The following TTC29 variants were observed in gnomAD, a reference collection of about 807,000 sequenced individuals.
The protein encoded by TTC29 is tetratricopeptide repeat protein 29.
In TTC29, 49 loss-of-function variants were observed where a neutral mutation model predicts 58.1. That is an observed-to-expected ratio of 0.84 (90% CI 0.67 to 1.07). The LOEUF (loss-of-function observed/expected upper bound fraction) is 1.07. Ranked by LOEUF, TTC29 falls within the 50% of genes least tolerant of loss-of-function variation. The probability of loss-of-function intolerance (pLI) is 0.00; values close to 1 mark genes in which losing one functional copy is unlikely to be tolerated. For synonymous variants in TTC29, 209 were observed against 196.8 expected, an observed-to-expected ratio of 1.06 and a Z score of -0.52; for missense variants, 582 against 555.6, an observed-to-expected ratio of 1.05 and a Z score of -0.48.
At chr4:146,894,868 C>G (rs1732659281) in intron 6 of TTC29, among the ~76,000 whole-genome samples, 1 of 151,964 alleles carries the variant, frequency 6.6e-6, no homozygotes. Context: ...TTCAGTGGTA[C>G]CATGTGCAGG....
intron 9 of TTC29, among the ~76,000 whole-genome samples, chr4:146,827,186 C>T (rs1248818378): frequency 6.6e-6 from 1 of 152,132 alleles, no homozygotes; most frequent in African/African-American, 2.4e-5. Flanking sequence ...CCATGTGGCT[C>T]TCAGGTGGGC....
chr4:146,809,573 AC>A (rs1268548421), intron 10 of TTC29, among the ~76,000 whole-genome samples: 1 of 150,010 alleles, frequency 6.7e-6, no homozygotes, highest in Non-Finnish European at 1.5e-5. Context: ...AAGAAAAAAA[AC>A]AAACAACTCC....
intron 11 of TTC29, among the ~76,000 whole-genome samples, chr4:146,793,808 A>G (rs1353108270): frequency 2.0e-5 from 3 of 152,102 alleles, no homozygotes; most frequent in South Asian, 4.1e-4. Flanking sequence ...AAAAATTCCT[A>G]TGTTAGATAT....
At chr4:146,858,090 T>C (rs1283401514) in intron 8 of TTC29, among the ~76,000 whole-genome samples, 2 of 152,232 alleles carry the variant, frequency 1.3e-5, no homozygotes, top group Non-Finnish European at 2.9e-5. Flanking sequence ...CAATCTGTAG[T>C]GATAATGGTA....
intron 11 of TTC29, among the ~76,000 whole-genome samples, chr4:146,745,984 C>A (rs1480621817): frequency 6.6e-6 from 1 of 152,162 alleles, no homozygotes; most frequent in African/African-American, 2.4e-5. Context: ...AACCTATTTG[C>A]AAAGAGATAC....
intron 4 of TTC29, among the ~76,000 whole-genome samples, chr4:146,914,575 G>A (rs1379603214): frequency 6.6e-6 from 1 of 152,052 alleles, no homozygotes; most frequent in South Asian, 2.1e-4. Context: ...GGAAAAAAAC[G>A]TGCCATTCAC....
intron 11 of TTC29, among the ~76,000 whole-genome samples, chr4:146,781,914 A>T (rs1748636410): frequency 6.6e-6 from 1 of 151,964 alleles, no homozygotes; most frequent in South Asian, 2.1e-4. Context: ...CTGATAGCCA[A>T]GAGAAAACCT....
chr4:146,711,427 A>G (rs1742484059), intron 11 of TTC29, among the ~76,000 whole-genome samples: 2 of 152,136 alleles, frequency 1.3e-5, no homozygotes, highest in South Asian at 4.1e-4. Context: ...CGTATATCAT[A>G]TTTAGCTGGA....
At chr4:146,941,922 A>C (rs1736441540) in intron 2 of TTC29, among the ~76,000 whole-genome samples, 1 of 152,186 alleles carries the variant, frequency 6.6e-6, no homozygotes, top group Non-Finnish European at 1.5e-5. Context: ...GATGTAGTCA[A>C]ACCTGAAATA....
At chr4:146,923,467 A>G (rs1734728736) in intron 4 of TTC29, among the ~76,000 whole-genome samples, 1 of 151,790 alleles carries the variant, frequency 6.6e-6, no homozygotes, top group South Asian at 2.1e-4. Flanking sequence ...AAATTATTTC[A>G]CAAGGTTCAA....
chr4:146,742,791 T>C (rs1745262579), intron 11 of TTC29, among the ~76,000 whole-genome samples: 1 of 140,390 alleles, frequency 7.1e-6, no homozygotes, highest in Non-Finnish European at 1.5e-5. Flanking sequence ...CTTTTCCTCC[T>C]CTTTCTTCCT....
At chr4:146,767,588 C>T (rs1478756954) in intron 11 of TTC29, among the ~76,000 whole-genome samples, 2 of 151,984 alleles carry the variant, frequency 1.3e-5, no homozygotes, top group African/African-American at 4.8e-5. Context: ...CATATATGTA[C>T]TCTGTTAATT....
intron 11 of TTC29, among the ~76,000 whole-genome samples, chr4:146,743,218 G>C (rs1356693365): frequency 6.6e-6 from 1 of 151,792 alleles, no homozygotes; most frequent in Non-Finnish European, 1.5e-5. Flanking sequence ...TGGGAGGGTG[G>C]GTGAATGCAA....
chr4:146,880,853 C>T (rs946387839), intron 6 of TTC29, among the ~76,000 whole-genome samples: 2 of 151,948 alleles, frequency 1.3e-5, no homozygotes, highest in Non-Finnish European at 2.9e-5. Context: ...ATTACTGATG[C>T]TTGCGCCCGT....
At chr4:146,871,959 GA>G (rs1235612947) in intron 7 of TTC29, among the ~76,000 whole-genome samples, 1 of 151,892 alleles carries the variant, frequency 6.6e-6, no homozygotes, top group African/African-American at 2.4e-5. Context: ...ACTTGAAAAA[GA>G]ACAGTATTAC....
At chr4:146,821,323 G>A (rs1173857309) in intron 9 of TTC29, among the ~76,000 whole-genome samples, 1 of 152,072 alleles carries the variant, frequency 6.6e-6, no homozygotes, top group Non-Finnish European at 1.5e-5. Context: ...CCACTGAATT[G>A]TAGACTTTAA....
intron 11 of TTC29, among the ~76,000 whole-genome samples, chr4:146,722,403 C>T (rs1743434788): frequency 6.6e-6 from 1 of 152,120 alleles, no homozygotes; most frequent in Admixed American, 6.6e-5. Context: ...TCCCACACTA[C>T]ACTACCCAAC....
chr4:146,901,140 A>G (rs1282661535), intron 6 of TTC29, among the ~76,000 whole-genome samples: 2 of 152,238 alleles, frequency 1.3e-5, no homozygotes, highest in Non-Finnish European at 2.9e-5. Context: ...TCAATTTTAT[A>G]TAAGGAAGAA....
chr4:146,874,953 GT>G, intron 6 of TTC29, 25 bp from the exon 7 acceptor site: 1 of 1,591,802 alleles, frequency 6.3e-7, no homozygotes, highest in Non-Finnish European at 8.6e-7. Flanking sequence ...CCATTCATAA[GT>G]ATAAACCAGA....
Sources: gnomAD v4.1 joint callset for allele counts (sites outside exome capture counted in the v4.1 genomes callset) on GRCh38, gnomAD v4.1.1 for gene constraint, MANE v1.5 for transcripts, NCBI Gene and HGNC (gene_info 2026-07-23, HGNC 2026-07-21) for gene names.